Variants in EXOSC7 observed in about 807,000 individuals in gnomAD.
The protein encoded by EXOSC7 is exosome component 7, also known as exosome complex component RRP42.
In EXOSC7, 25 loss-of-function variants were observed where a neutral mutation model predicts 34.3. The ratio of observed to expected loss-of-function variants is 0.73; its 90% CI spans 0.53 to 1.02. EXOSC7 has a LOEUF of 1.02. Among genes scored for constraint, EXOSC7 ranks in the 50% least tolerant of loss-of-function variants. EXOSC7 has a pLI of 0.00. For synonymous variants in EXOSC7, 130 were observed against 143.0 expected (o/e 0.91, Z 0.65); for missense variants, 370 against 368.5 (o/e 1.00, Z -0.03).
Position 44,989,143 on chromosome 3 carries a change from G to A in EXOSC7, c.61G>A (p.Asp21Asn), listed in dbSNP as rs1015380317. The A allele has an allele frequency of 1.2e-6, 2 of 1,612,384 alleles. No individual in the cohort carries two copies. ...KVYIVHGVQEDLRVDGRGCED... is the reference protein window; with the variant it reads ...KVYIVHGVQENLRVDGRGCED... ...GACTGTGGTTGTTAACACCTAGGAA[G>A]ACCTCCGTGTGGATGGCCGTGGCTG... Residue 21 changes from aspartate to asparagine, a missense_variant, in exon 2 of 8, where the codon GAC (aspartate) becomes AAC (asparagine). Asp to Asn is a conservative substitution (Grantham distance 23). This residue lies in a region of EXOSC7 where 95 missense variants were observed against 79.8 expected (regional missense o/e 1.19). Coordinates refer to ENST00000265564, the MANE Select transcript of EXOSC7 (RefSeq NM_015004.4).
At position 45,011,219 on chromosome 3, in the gene EXOSC7, C is replaced by T. The variant is rs1226689716; in HGVS notation, c.772-16C>T. On this transcript the variant is annotated splice_polypyrimidine_tract_variant and intron_variant, in intron 7 of 7. Coordinates refer to ENST00000265564, the MANE Select transcript of EXOSC7 (RefSeq NM_015004.4). ...TTACAAGGGGGTGTGTGCTCTCTCC[C>T]GTCCCTTCTCCACAGACTGGCAAGC... 25 of 1,558,272 alleles carry T rather than the reference C, an allele frequency of 1.6e-5. No individual in the cohort carries two copies. Among genetic ancestry groups the T allele is most frequent in the Non-Finnish European group, 2.1e-5 (24 of 1,135,344 alleles).
intron 5 of EXOSC7, chr3:45,004,148 C>T (rs1706962505): frequency 6.6e-6 from 1 of 152,144 alleles, no homozygotes; most frequent in African/African-American, 2.4e-5. Context: ...TAGGGTATGG[C>T]TATCTTTAGT....
At chr3:44,993,394 G>T (rs1191310874) in intron 3 of EXOSC7, among the ~76,000 whole-genome samples, 1 of 152,048 alleles carries the variant, frequency 6.6e-6, no homozygotes, top group Non-Finnish European at 1.5e-5. Flanking sequence ...CACTTTTTCT[G>T]CTGTGGGCCT....
chr3:44,993,168 T>G (rs1178698669), intron 3 of EXOSC7, among the ~76,000 whole-genome samples: 1 of 152,190 alleles, frequency 6.6e-6, no homozygotes, highest in Non-Finnish European at 1.5e-5. Context: ...CCCAAGCTGA[T>G]GAGATAACTC....
At chr3:44,989,000 C>T in intron 1 of EXOSC7, 140 bp from the exon 2 acceptor site, 1 of 609,094 alleles carries the variant, frequency 1.6e-6, no homozygotes, top group Non-Finnish European at 3.0e-6. Context: ...TTGTTAGCTA[C>T]AAGGACAGAA....
intron 1 of EXOSC7, among the ~76,000 whole-genome samples, chr3:44,981,653 C>A (rs1706272586): frequency 6.6e-6 from 1 of 152,170 alleles, no homozygotes. Flanking sequence ...TGCAGTGGCT[C>A]ACACCTGTAA....
chr3:44,991,550 C>A (rs1706573222), intron 3 of EXOSC7, among the ~76,000 whole-genome samples: 2 of 152,192 alleles, frequency 1.3e-5, no homozygotes, highest in African/African-American at 4.8e-5. Context: ...TTCAGCCCAA[C>A]CACACCAAAG....
intron 7 of EXOSC7, 93 bp downstream of exon 7, chr3:45,007,668 TC>T: frequency 7.5e-6 from 10 of 1,330,790 alleles, no homozygotes; most frequent in Non-Finnish European, 1.0e-5. Flanking sequence ...TTCTCCCCAT[TC>T]ACAGCCTTGA....
intron 2 of EXOSC7, 95 bp from the exon 3 acceptor site, chr3:44,989,455 G>T (rs966595721): frequency 4.8e-5 from 50 of 1,049,420 alleles, no homozygotes; most frequent in Middle Eastern, 4.2e-4. Flanking sequence ...GCTCCTAAAA[G>T]AGTCCCCCAG....
rs34869939 is a variant in EXOSC7 at position 45,006,068 on chromosome 3, C to CTTTTTTTTTT, written c.615+674_615+683dup. Among the ~76,000 whole-genome samples the CTTTTTTTTTT allele has an allele frequency of 4.2e-5, 2 of 47,298 alleles. 1 individual carries two copies. The highest frequency in any genetic ancestry group is 1.7e-4 in the African/African-American group (2 of 11,950). The allele number at this position is 47,298 out of a possible 152,430, so 31.0% of individuals were successfully genotyped here. ...AGGATGGCAGGATGTTGGGTCTTGG[C>CTTTTTTTTTT]TTTTTTTTTTTTTTTTTTTTTTTTT... On this transcript the variant is annotated intron_variant, in intron 6 of 7. Coordinates refer to ENST00000265564, the MANE Select transcript of EXOSC7 (RefSeq NM_015004.4).
chr3:44,999,505 A>G (rs568998325), intron 4 of EXOSC7, among the ~76,000 whole-genome samples: 6 of 152,276 alleles, frequency 3.9e-5, no homozygotes, highest in Non-Finnish European at 8.8e-5. Flanking sequence ...CCTGGAAAAC[A>G]TGGTGAAACC....
chr3:44,978,312 T>A (rs939191798), intron 1 of EXOSC7, among the ~76,000 whole-genome samples: 2 of 152,046 alleles, frequency 1.3e-5, no homozygotes, highest in Non-Finnish European at 2.9e-5. Flanking sequence ...AATTTTTTTT[T>A]AATAAATAAA....
At chr3:44,988,665 G>A (rs903066832) in intron 1 of EXOSC7, among the ~76,000 whole-genome samples, 1 of 152,224 alleles carries the variant, frequency 6.6e-6, no homozygotes, top group Admixed American at 6.5e-5. Flanking sequence ...AAGATTAGGT[G>A]TCTTTCACTA....
chr3:45,008,329 A>T (rs1217483619), intron 7 of EXOSC7, among the ~76,000 whole-genome samples: 1 of 152,174 alleles, frequency 6.6e-6, no homozygotes, highest in Non-Finnish European at 1.5e-5. Context: ...CCTCTATATC[A>T]CCACACATGC....
At position 44,976,383 on chromosome 3, in the gene EXOSC7, T is replaced by TG. The variant is rs751150159; in HGVS notation, c.57+50dup. On this transcript the variant is annotated intron_variant, in intron 1 of 7. Coordinates refer to ENST00000265564, the MANE Select transcript of EXOSC7 (RefSeq NM_015004.4). ...TCGGCCGCCGGGTTCAGCCTGGCCCTGCGGGTCGCGGCCTGCCCTGGGTTT... is the reference window on the plus strand; with the variant it reads ...TCGGCCGCCGGGTTCAGCCTGGCCCTGGCGGGTCGCGGCCTGCCCTGGGTTT... The TG allele has an allele frequency of 3.3e-6, 5 of 1,507,608 alleles. No individual in the cohort carries two copies. In the East Asian group the frequency reaches 8.3e-5, roughly 25 times the overall value. The allele number at this position is 1,507,608 out of a possible 1,614,324, so 93.4% of individuals were successfully genotyped here.
At chr3:45,008,990 A>G (rs1239639077) in intron 7 of EXOSC7, among the ~76,000 whole-genome samples, 1 of 152,236 alleles carries the variant, frequency 6.6e-6, no homozygotes, top group East Asian at 1.9e-4. Context: ...TCATTTTTAC[A>G]GATGAGGAAA....
intron 3 of EXOSC7, among the ~76,000 whole-genome samples, chr3:44,993,072 C>T (rs1553699251): frequency 1.3e-5 from 2 of 151,614 alleles, no homozygotes; most frequent in Middle Eastern, 3.2e-3. Flanking sequence ...AAAGGGGACA[C>T]TGTTCCTGGC....
At chr3:44,994,269 G>A (rs1217994911) in intron 3 of EXOSC7, among the ~76,000 whole-genome samples, 2 of 148,302 alleles carry the variant, frequency 1.3e-5, no homozygotes, top group African/African-American at 4.9e-5. Flanking sequence ...AAAAGATAAG[G>A]TCTCCCTTCT....
intron 1 of EXOSC7, among the ~76,000 whole-genome samples, chr3:44,986,602 A>G (rs1246197377): frequency 6.6e-6 from 1 of 152,252 alleles, no homozygotes; most frequent in East Asian, 1.9e-4. Context: ...GAGCCCAGGC[A>G]GAGGAGGTGC....
Sources: gnomAD v4.1 joint callset for allele counts (sites outside exome capture counted in the v4.1 genomes callset) on GRCh38, gnomAD v4.1.1 for gene constraint, gnomAD v4.1.1 regional missense constraint, MANE v1.5 for transcripts, NCBI Gene and HGNC (gene_info 2026-07-23, HGNC 2026-07-21) for gene names.